Variants in SAMD5 observed in about 807,000 individuals in gnomAD.
The protein encoded by SAMD5 is sterile alpha motif domain-containing protein 5.
SAMD5 carries 13 observed loss-of-function variants against 11.3 expected under a neutral mutation model. The ratio of observed to expected loss-of-function variants is 1.15; its 90% CI spans 0.75 to 1.83. SAMD5 has a LOEUF of 1.83. Ranked by LOEUF, SAMD5 falls within the 40% of genes most tolerant of loss-of-function variation. SAMD5 has a pLI of 0.00. For missense variants in SAMD5, 255 were observed against 239.1 expected (o/e 1.07, Z -0.44); for synonymous variants, 129 against 111.3 (o/e 1.16, Z -1.00).
At position 147,564,613 on chromosome 6, in the gene SAMD5, T is replaced by C; in HGVS notation, c.*157T>C. The C allele has an allele frequency of 1.4e-6, 2 of 1,432,290 alleles. No homozygotes were observed. The highest frequency in any genetic ancestry group is 2.5e-5 in the East Asian group (1 of 39,748). The allele number at this position is 1,432,290 out of a possible 1,614,324, so 88.7% of individuals were successfully genotyped here. A position where few individuals can be genotyped will look rare whatever the true frequency, so the allele number is the denominator to read the frequency against. ...TGGACAAATTCTGGAATAATCAACT[T>C]AGTAAACTGGGTAACTGGCTTATAA... On this transcript the variant is annotated 3_prime_UTR_variant, in exon 2 of 2. Coordinates refer to ENST00000367474, the MANE Select transcript of SAMD5 (RefSeq NM_001030060.3).
At chr6:147,824,424 G>C in the SAMD5 span, among the ~76,000 whole-genome samples, 2 of 152,092 alleles carry the variant, frequency 1.3e-5, no homozygotes, top group African/African-American at 2.4e-5. Flanking sequence ...ACCTAACAGA[G>C]GGAAAATAAC....
At chr6:147,780,628 T>A in the SAMD5 span, among the ~76,000 whole-genome samples, 1 of 152,214 alleles carries the variant, frequency 6.6e-6, no homozygotes, top group Non-Finnish European at 1.5e-5. Context: ...GTTTGAGGAA[T>A]TATTGATTTC....
intron 1 of SAMD5, among the ~76,000 whole-genome samples, chr6:147,645,161 C>T (rs937886284): frequency 2.6e-5 from 4 of 152,150 alleles, no homozygotes; most frequent in Admixed American, 6.5e-5. Context: ...CAACCCCACA[C>T]GACAGGACAT....
At chr6:147,525,670 T>TG (rs988425619) in intron 1 of SAMD5, among the ~76,000 whole-genome samples, 83 of 152,164 alleles carry the variant, frequency 5.5e-4, no homozygotes, top group Admixed American at 2.6e-3. Context: ...GTGTGAGCTA[T>TG]GGGGGTTGGT....
chr6:147,595,965 T>C (rs1583099946), intron 1 of SAMD5, among the ~76,000 whole-genome samples: 1 of 152,188 alleles, frequency 6.6e-6, no homozygotes, highest in African/African-American at 2.4e-5. Flanking sequence ...TGTACATGAA[T>C]GTGGGATAGA....
At chr6:147,542,340 C>A (rs1788619108) in intron 1 of SAMD5, among the ~76,000 whole-genome samples, 2 of 152,176 alleles carry the variant, frequency 1.3e-5, no homozygotes, top group Non-Finnish European at 2.9e-5. Context: ...AAATTTGTAA[C>A]CACCCAAGGG....
At chr6:147,649,228 G>A (rs1352493595) in intron 1 of SAMD5, among the ~76,000 whole-genome samples, 2 of 152,058 alleles carry the variant, frequency 1.3e-5, no homozygotes, top group African/African-American at 4.8e-5. Context: ...GTTTAGTTTT[G>A]TTTTTCATGG....
intron 1 of SAMD5, among the ~76,000 whole-genome samples, chr6:147,519,455 G>C (rs191060174): frequency 6.6e-6 from 1 of 152,112 alleles, no homozygotes; most frequent in African/African-American, 2.4e-5. Context: ...AACAGAATTT[G>C]CATTTACCAA....
chr6:147,863,276 C>T, the SAMD5 span, among the ~76,000 whole-genome samples: 6 of 152,090 alleles, frequency 3.9e-5, no homozygotes, highest in Non-Finnish European at 5.9e-5. Flanking sequence ...TTACACAGGC[C>T]CTCAGGAATA....
At chr6:147,832,192 G>A in the SAMD5 span, among the ~76,000 whole-genome samples, 5,865 of 152,138 alleles carry the variant, frequency 0.039, 162 homozygotes, top group African/African-American at 0.071. Flanking sequence ...TAGAGAGTAC[G>A]TTCAATTATA....
chr6:147,570,571 A>G (rs1201154608), downstream of SAMD5, among the ~76,000 whole-genome samples: 1 of 152,184 alleles, frequency 6.6e-6, no homozygotes, highest in Non-Finnish European at 1.5e-5. Flanking sequence ...ACCAGTCCCC[A>G]GACATTAATT....
At chr6:147,931,648 A>G in the SAMD5 span, among the ~76,000 whole-genome samples, 1 of 152,218 alleles carries the variant, frequency 6.6e-6, no homozygotes, top group African/African-American at 2.4e-5. Context: ...AAATCAATAA[A>G]TTCATATTTA....
the SAMD5 span, among the ~76,000 whole-genome samples, chr6:147,856,712 T>C: frequency 1.3e-5 from 2 of 151,476 alleles, no homozygotes; most frequent in East Asian, 1.9e-4. Context: ...TTAATAGGTA[T>C]AACCCATCTT....
chr6:147,548,594 T>C (rs529116941), intron 1 of SAMD5, among the ~76,000 whole-genome samples: 38 of 152,342 alleles, frequency 2.5e-4, no homozygotes, highest in Non-Finnish European at 4.0e-4. Flanking sequence ...ATGAAGAATG[T>C]ACAGTAGAGG....
At position 147,509,231 on chromosome 6, in the gene SAMD5, C is replaced by T; in HGVS notation, c.303C>T (p.Gly101=). The T allele has an allele frequency of 1.4e-6, 2 of 1,430,268 alleles. No individual in the cohort carries two copies. 88.6% of individuals were successfully genotyped at this position (1,430,268 alleles called of 1,614,324 possible). A position where few individuals can be genotyped will look rare whatever the true frequency, so the allele number is the denominator to read the frequency against. The change falls in exon 1 of 2, where the codon GGC becomes GGT. Residue 101 remains glycine, a synonymous_variant. Transcript: ENST00000367474. The stretch of plus-strand genomic sequence containing the variant: ...GCCGCCGGGGGGAGCCGTGCGGCGG[C>T]CCGGCCCAGGGCACCCGCGGGGACT... The part of the protein sequence containing the change: ...PTGRRGEPCG[G]PAQGTRGDSR...
intron 1 of SAMD5, among the ~76,000 whole-genome samples, chr6:147,714,306 G>GT (rs1791438240): frequency 6.6e-6 from 1 of 152,208 alleles, no homozygotes; most frequent in African/African-American, 2.4e-5. Flanking sequence ...GTCATGAGCT[G>GT]TATCTCTTAA....
intron 1 of SAMD5, among the ~76,000 whole-genome samples, chr6:147,659,619 A>T (rs919145147): frequency 6.6e-6 from 1 of 152,226 alleles, no homozygotes; most frequent in African/African-American, 2.4e-5. Flanking sequence ...TTCCCAAAGT[A>T]TACAAGAATG....
chr6:147,725,564 T>G (rs976938940), intron 1 of SAMD5, among the ~76,000 whole-genome samples: 14 of 152,128 alleles, frequency 9.2e-5, no homozygotes, highest in Non-Finnish European at 8.8e-5. Context: ...AATTTTTGTA[T>G]TTTTAGTAGA....
intron 1 of SAMD5, among the ~76,000 whole-genome samples, chr6:147,691,963 A>G (rs1302855534): frequency 8.1e-6 from 1 of 123,208 alleles, no homozygotes; most frequent in Non-Finnish European, 1.7e-5. Context: ...AGCTATAAGT[A>G]GGATGTATGT....
Sources: gnomAD v4.1 joint callset for allele counts (sites outside exome capture counted in the v4.1 genomes callset) on GRCh38, gnomAD v4.1.1 for gene constraint, MANE v1.5 for transcripts, NCBI Gene and HGNC (gene_info 2026-07-23, HGNC 2026-07-21) for gene names.